The following NEGR1 variants were observed in gnomAD, a reference collection of about 807,000 sequenced individuals.
NEGR1 encodes neuronal growth regulator 1.
A neutral mutation model predicts 40.9 loss-of-function variants in NEGR1; 10 were observed. The ratio of observed to expected loss-of-function variants is 0.24; its 90% CI spans 0.15 to 0.42. The LOEUF is 0.42. Ranked by LOEUF, NEGR1 falls within the 10% of genes least tolerant of loss-of-function variation. NEGR1 has a pLI of 1.00. For synonymous variants in NEGR1, 185 were observed against 166.8 expected (o/e 1.11, Z -0.84); for missense variants, 352 against 438.9 (o/e 0.80, Z 1.77).
At chr1:71,607,221 G>A (rs1650099540) in intron 5 of NEGR1, among the ~76,000 whole-genome samples, 2 of 152,164 alleles carry the variant, frequency 1.3e-5, no homozygotes, top group South Asian at 4.1e-4. Context: ...TGCTGTATCT[G>A]TTTCTGCTGT....
chr1:71,689,370 A>G (rs898548213), intron 4 of NEGR1, among the ~76,000 whole-genome samples: 7 of 152,176 alleles, frequency 4.6e-5, no homozygotes, highest in Non-Finnish European at 1.0e-4. Context: ...CCAGAGAGTG[A>G]TTCCCTCATT....
chr1:72,230,292 G>T (rs1378855591), intron 1 of NEGR1, among the ~76,000 whole-genome samples: 3 of 151,980 alleles, frequency 2.0e-5, no homozygotes, highest in African/African-American at 7.2e-5. Flanking sequence ...ATTATCTTTG[G>T]TCTAATATAA....
chr1:71,898,222 CAGAA>C (rs1426628345), intron 2 of NEGR1, among the ~76,000 whole-genome samples: 14 of 152,272 alleles, frequency 9.2e-5, no homozygotes, highest in Admixed American at 8.5e-4. Context: ...CATTCTTTCT[CAGAA>C]AGGGAAAGCT....
At chr1:71,692,453 T>C (rs890516496) in intron 4 of NEGR1, among the ~76,000 whole-genome samples, 1 of 151,760 alleles carries the variant, frequency 6.6e-6, no homozygotes, top group African/African-American at 2.4e-5. Context: ...AGTCCCATGA[T>C]AGTGCCTTTG....
chr1:71,932,562 T>G (rs2786849), intron 2 of NEGR1, among the ~76,000 whole-genome samples: 3 of 151,964 alleles, frequency 2.0e-5, no homozygotes, highest in African/African-American at 7.3e-5. Context: ...AGTGTCTGTG[T>G]TGATAATATA....
chr1:71,886,123 G>A (rs1660715973), intron 2 of NEGR1, among the ~76,000 whole-genome samples: 1 of 152,096 alleles, frequency 6.6e-6, no homozygotes, highest in African/African-American at 2.4e-5. Context: ...AGCTTTCAAA[G>A]GAGTTGCTAA....
chr1:71,504,351 G>A (rs1160771937), intron 6 of NEGR1, among the ~76,000 whole-genome samples: 1 of 151,574 alleles, frequency 6.6e-6, no homozygotes, highest in South Asian at 2.1e-4. Flanking sequence ...GTTTCTACTG[G>A]GGAAAAGGTA....
intron 3 of NEGR1, among the ~76,000 whole-genome samples, chr1:71,774,439 A>G (rs1323369490): frequency 6.6e-6 from 1 of 152,198 alleles, no homozygotes; most frequent in Admixed American, 6.5e-5. Flanking sequence ...TATTATATAA[A>G]TATATATTGC....
At chr1:71,625,022 T>G (rs1167910382) in intron 4 of NEGR1, among the ~76,000 whole-genome samples, 1 of 152,042 alleles carries the variant, frequency 6.6e-6, no homozygotes, top group Non-Finnish European at 1.5e-5. Flanking sequence ...AAAATGTTAT[T>G]GGTGTTTAAA....
At chr1:72,014,961 T>A (rs1360655968) in intron 1 of NEGR1, among the ~76,000 whole-genome samples, 1 of 152,082 alleles carries the variant, frequency 6.6e-6, no homozygotes, top group Admixed American at 6.6e-5. Flanking sequence ...GGCATTTGGT[T>A]GTCATTGAAA....
intron 1 of NEGR1, among the ~76,000 whole-genome samples, chr1:71,956,319 T>C (rs1646119219): frequency 6.6e-6 from 1 of 152,172 alleles, no homozygotes; most frequent in Non-Finnish European, 1.5e-5. Flanking sequence ...TCTACCGTGA[T>C]TATTAATGAC....
chr1:71,705,204 T>A (rs1653847217), intron 3 of NEGR1, among the ~76,000 whole-genome samples: 1 of 152,156 alleles, frequency 6.6e-6, no homozygotes, highest in South Asian at 2.1e-4. Context: ...GGCAAGGTTA[T>A]CTACTCTAAC....
At chr1:71,881,202 T>C (rs1660574658) in intron 2 of NEGR1, among the ~76,000 whole-genome samples, 1 of 152,002 alleles carries the variant, frequency 6.6e-6, no homozygotes, top group Non-Finnish European at 1.5e-5. Flanking sequence ...TATATAAATG[T>C]TTTATGACTG....
intron 1 of NEGR1, among the ~76,000 whole-genome samples, chr1:72,010,423 T>C (rs1185718718): frequency 1.3e-5 from 2 of 152,180 alleles, no homozygotes; most frequent in African/African-American, 4.8e-5. Context: ...TTTTTATCTT[T>C]ATTTTTCTAA....
intron 6 of NEGR1, among the ~76,000 whole-genome samples, chr1:71,487,544 G>A (rs1001247759): frequency 9.2e-5 from 14 of 151,554 alleles, no homozygotes; most frequent in African/African-American, 3.1e-4. Context: ...TTGCACACTC[G>A]GTTCCACACT....
intron 1 of NEGR1, among the ~76,000 whole-genome samples, chr1:72,128,794 G>A (rs1326664370): frequency 3.9e-5 from 6 of 152,104 alleles, no homozygotes; most frequent in South Asian, 2.1e-4. Flanking sequence ...GGGTATGCCC[G>A]TGATGGTGTT....
chr1:72,209,687 AC>A (rs1405088686), intron 1 of NEGR1, among the ~76,000 whole-genome samples: 3 of 151,842 alleles, frequency 2.0e-5, no homozygotes, highest in Non-Finnish European at 4.4e-5. Flanking sequence ...CTAAATATTT[AC>A]TTCTTTTAAC....
chr1:71,832,617 G>T (rs1018364408), intron 2 of NEGR1, among the ~76,000 whole-genome samples: 1 of 152,024 alleles, frequency 6.6e-6, no homozygotes, highest in Non-Finnish European at 1.5e-5. Flanking sequence ...CCTCAGTAAA[G>T]ATTTGTTGAA....
chr1:71,406,642 G>A lies in NEGR1; in HGVS notation c.*804C>T, dbSNP rs774342412. The A allele has an allele frequency of 2.6e-5, 4 of 152,458 alleles. No individual in the cohort carries two copies. Among genetic ancestry groups the A allele is most frequent in the Non-Finnish European group, 5.9e-5 (4 of 67,944 alleles). 9.4% of individuals were successfully genotyped at this position (152,458 alleles called of 1,614,324 possible). On this transcript the variant is annotated 3_prime_UTR_variant, in exon 7 of 7. Coordinates refer to ENST00000357731, the MANE Select transcript of NEGR1 (RefSeq NM_173808.3). The stretch of plus-strand genomic sequence containing the variant: ...CTCTCATCACAAGAACTGAGTTAGT[G>A]TGGGGCAAAATTCTCAAACCCCATT...
Sources: allele counts gnomAD v4.1 joint callset (sites outside exome capture counted in the v4.1 genomes callset), GRCh38; gene constraint gnomAD v4.1.1; transcripts MANE v1.5; gene names NCBI Gene and HGNC (gene_info 2026-07-23, HGNC 2026-07-21).